NOS1AP: variants seen among roughly 807,000 people sequenced by gnomAD.
The protein encoded by NOS1AP is nitric oxide synthase 1 adaptor protein, also known as carboxyl-terminal PDZ ligand of neuronal nitric oxide synthase protein.
Under a neutral mutation model 56.2 loss-of-function variants are expected in NOS1AP, and 21 were observed. The ratio of observed to expected loss-of-function variants is 0.37; its 90% CI spans 0.26 to 0.54. NOS1AP has a LOEUF of 0.54. Among genes scored for constraint, NOS1AP ranks in the 20% least tolerant of loss-of-function variants. NOS1AP has a pLI of 0.84. For synonymous variants in NOS1AP, 270 were observed against 274.6 expected (o/e 0.98, Z 0.17); for missense variants, 522 against 657.8 (o/e 0.79, Z 2.26).
intron 2 of NOS1AP, among the ~76,000 whole-genome samples, chr1:162,166,967 T>C (rs987220361): frequency 8.5e-5 from 13 of 152,182 alleles, no homozygotes; most frequent in South Asian, 2.1e-4. Flanking sequence ...GGTGAATCCA[T>C]CAGGTCCAGG....
At chr1:162,155,297 T>G (rs1452974472) in intron 2 of NOS1AP, among the ~76,000 whole-genome samples, 1 of 145,366 alleles carries the variant, frequency 6.9e-6, no homozygotes, top group Admixed American at 6.9e-5. Flanking sequence ...TACATATATA[T>G]GTATATGTAT....
intron 1 of NOS1AP, among the ~76,000 whole-genome samples, chr1:162,092,095 T>C (rs1016067716): frequency 3.3e-5 from 5 of 152,196 alleles, no homozygotes; most frequent in African/African-American, 1.2e-4. Flanking sequence ...AGGATGGGAT[T>C]GGCATTGCAG....
At chr1:162,119,948 C>A (rs1038575676) in intron 1 of NOS1AP, among the ~76,000 whole-genome samples, 1 of 152,030 alleles carries the variant, frequency 6.6e-6, no homozygotes, top group Non-Finnish European at 1.5e-5. Context: ...TGGTATATGG[C>A]CAAAGTGACA....
At chr1:162,352,545 G>T (rs1657550199) in intron 6 of NOS1AP, among the ~76,000 whole-genome samples, 1 of 152,066 alleles carries the variant, frequency 6.6e-6, no homozygotes, top group Non-Finnish European at 1.5e-5. Flanking sequence ...AAATGCAGTA[G>T]ATTGGATGGC....
chr1:162,329,384 A>AG (rs372579952), intron 4 of NOS1AP, among the ~76,000 whole-genome samples: 8 of 148,574 alleles, frequency 5.4e-5, no homozygotes, highest in South Asian at 4.3e-4. Flanking sequence ...AGAGAGAGAG[A>AG]AAAGAAATTT....
intron 2 of NOS1AP, among the ~76,000 whole-genome samples, chr1:162,162,108 G>A (rs1334132699): frequency 2.0e-5 from 3 of 152,182 alleles, no homozygotes; most frequent in African/African-American, 7.2e-5. Flanking sequence ...GTTCTGGACT[G>A]TTGGAAGGGC....
At chr1:162,190,377 A>G (rs900093647) in intron 2 of NOS1AP, among the ~76,000 whole-genome samples, 2 of 151,612 alleles carry the variant, frequency 1.3e-5, no homozygotes, top group Non-Finnish European at 2.9e-5. Context: ...TTATTTTATT[A>G]TTATTATACT....
At chr1:162,240,244 A>T (rs919572763) in intron 2 of NOS1AP, among the ~76,000 whole-genome samples, 7 of 141,220 alleles carry the variant, frequency 5.0e-5, no homozygotes, top group African/African-American at 1.3e-4. Context: ...CTGTGTGGCC[A>T]GTGTGTGTGT....
intron 5 of NOS1AP, among the ~76,000 whole-genome samples, chr1:162,341,719 C>T (rs763401511): frequency 2.6e-4 from 40 of 152,156 alleles, no homozygotes; most frequent in Non-Finnish European, 1.6e-4. Context: ...TCTGCTCTTA[C>T]TCTCATAAAA....
intron 2 of NOS1AP, among the ~76,000 whole-genome samples, chr1:162,192,409 T>G (rs1571115232): frequency 6.6e-6 from 1 of 152,130 alleles, no homozygotes; most frequent in East Asian, 1.9e-4. Context: ...GTGTAGCTGG[T>G]GGGGAGGAAG....
At chr1:162,203,572 T>G (rs1652060421) in intron 2 of NOS1AP, among the ~76,000 whole-genome samples, 1 of 152,150 alleles carries the variant, frequency 6.6e-6, no homozygotes, top group African/African-American at 2.4e-5. Flanking sequence ...TTAAAAAAAT[T>G]GATTTGCAGA....
In NOS1AP at chr1:162,289,464, C is replaced by CTTTTTT; in HGVS notation, c.270+2032_270+2033insTTTTTT. Among the ~76,000 whole-genome samples, 40 of 45,058 alleles carry CTTTTTT rather than the reference C, an allele frequency of 8.9e-4. 14 individuals are homozygous for CTTTTTT. The highest frequency in any genetic ancestry group is 2.7e-3 in the East Asian group (3 of 1,132). 29.6% of individuals were successfully genotyped at this position (45,058 alleles called of 152,430 possible). A position where few individuals can be genotyped will look rare whatever the true frequency, so the allele number is the denominator to read the frequency against. On this transcript the variant is annotated intron_variant, in intron 3 of 9. Coordinates refer to ENST00000361897, the MANE Select transcript of NOS1AP (RefSeq NM_014697.3). ...TGGCGCCTGCCACCACGCCCAGCTA[C>CTTTTTT]TTTTCTTTTTTTTTTTTTTTTTTTT...
At chr1:162,242,071 T>G (rs773062170) in intron 2 of NOS1AP, among the ~76,000 whole-genome samples, 6 of 152,204 alleles carry the variant, frequency 3.9e-5, no homozygotes, top group Non-Finnish European at 4.4e-5. Flanking sequence ...ATTTGTTCTT[T>G]TTACCTTCCT....
chr1:162,171,215 A>G (rs987111622), intron 2 of NOS1AP, among the ~76,000 whole-genome samples: 7 of 152,126 alleles, frequency 4.6e-5, no homozygotes, highest in Non-Finnish European at 8.8e-5. Flanking sequence ...CAAGATCCTC[A>G]TGCTCCTTTT....
chr1:162,314,598 T>A (rs1410361783), intron 4 of NOS1AP, among the ~76,000 whole-genome samples: 1 of 152,184 alleles, frequency 6.6e-6, no homozygotes, highest in Non-Finnish European at 1.5e-5. Context: ...AACAAACACT[T>A]CTTTCCTTGT....
In NOS1AP at chr1:162,190,941, G is replaced by A. The variant is rs1437111004; in HGVS notation, c.177+36465G>A. Among the ~76,000 whole-genome samples, 3 of 152,216 alleles carry A rather than the reference G, an allele frequency of 2.0e-5. No individual in the cohort carries two copies. The East Asian group carries it at 5.8e-4, about 29-fold the overall frequency. ...TGGTCTGAGGAGAGCAGTGGAAGAGGGATGAGATGCTAGGGTAACCATCAT... is the reference window on the plus strand; with the variant it reads ...TGGTCTGAGGAGAGCAGTGGAAGAGAGATGAGATGCTAGGGTAACCATCAT... On this transcript the variant is annotated intron_variant, in intron 2 of 9. Coordinates refer to ENST00000361897, the MANE Select transcript of NOS1AP (RefSeq NM_014697.3).
chr1:162,138,310 C>T (rs531290749), intron 1 of NOS1AP, among the ~76,000 whole-genome samples: 7 of 152,016 alleles, frequency 4.6e-5, no homozygotes, highest in Non-Finnish European at 7.4e-5. Context: ...TGGTGGGATA[C>T]GTGGTTTCCC....
At position 162,365,079 on chromosome 1, in the gene NOS1AP, CACGTGTGTGTGT is replaced by C. The variant is rs938352355; in HGVS notation, c.940-312_940-301del. 7 of 1,314,694 alleles carry C rather than the reference CACGTGTGTGTGT, an allele frequency of 5.3e-6. No homozygotes were observed. The African/African-American group carries it at 6.0e-5, about 11-fold the overall frequency. 81.4% of individuals were successfully genotyped at this position (1,314,694 alleles called of 1,614,324 possible). A position where few individuals can be genotyped will look rare whatever the true frequency, so the allele number is the denominator to read the frequency against. ...CCGTGCGTGTGTGTGTGTATATGTG[CACGTGTGTGTGT>C]ACGTGTGTGTGTGTGGCAGGTCTAG... On this transcript the variant is annotated intron_variant, in intron 8 of 9. Transcript: ENST00000361897.
chr1:162,168,665 T>C (rs1650620363), intron 2 of NOS1AP, among the ~76,000 whole-genome samples: 1 of 152,196 alleles, frequency 6.6e-6, no homozygotes, highest in East Asian at 1.9e-4. Context: ...CCTTCTCCCC[T>C]TTTCTTCCTC....
Sources: gnomAD v4.1 joint callset for allele counts (sites outside exome capture counted in the v4.1 genomes callset) on GRCh38, gnomAD v4.1.1 for gene constraint, MANE v1.5 for transcripts, NCBI Gene and HGNC (gene_info 2026-07-23, HGNC 2026-07-21) for gene names.